Variants in PCBP3 observed in about 807,000 individuals in gnomAD.
PCBP3 encodes poly(rC) binding protein 3, also known as poly(rC)-binding protein 3.
PCBP3 carries 25 observed loss-of-function variants against 52.7 expected under a neutral mutation model. The ratio of observed to expected loss-of-function variants is 0.47; its 90% CI spans 0.35 to 0.66. The LOEUF (loss-of-function observed/expected upper bound fraction) is 0.66, where lower values mean the gene tolerates loss of function less well. Ranked by LOEUF, PCBP3 falls within the 30% of genes least tolerant of loss-of-function variation. The probability of loss-of-function intolerance (pLI) is 0.01; values close to 1 mark genes in which losing one functional copy is unlikely to be tolerated. For missense variants in PCBP3, 391 were observed against 490.3 expected (o/e 0.80, Z 1.91); for synonymous variants, 162 against 183.0 (o/e 0.89, Z 0.93).
rs1247030573 is a variant in PCBP3 at position 45,901,108 on chromosome 21, G to C, written c.334G>C (p.Glu112Gln). 1 of 1,609,370 alleles carries C rather than the reference G, an allele frequency of 6.2e-7. No individual in the cohort carries two copies. The highest frequency in any genetic ancestry group is 1.3e-5 in the African/African-American group (1 of 74,824). Residue 112 changes from glutamate (E) to glutamine (Q), a missense_variant, in exon 9 of 18, where the codon GAG (glutamate) becomes CAG (glutamine). Glu to Gln is a conservative substitution (Grantham distance 29). Coordinates refer to ENST00000681687, the MANE Select transcript of PCBP3 (RefSeq NM_001384156.1). ...KAFAMIAYKF[E>Q]EDIINSMSNS... ...CTTTGCCATGATCGCATACAAGTTT[G>C]AGGAGGTAACCTGCACCCCAGGCAC...
At position 45,741,530 on chromosome 21, in the gene PCBP3, T is replaced by C. The variant is rs2086449656; in HGVS notation, c.-162+6101T>C. ...AACTCAGTAATTAGAAATATGGAGA[T>C]AAAGAAATGCCAAAAGAGGCTAAGA... On this transcript the variant is annotated intron_variant, in intron 3 of 17. Coordinates refer to ENST00000681687, the MANE Select transcript of PCBP3 (RefSeq NM_001384156.1). The surrounding 1 kb of genome is among the most constrained non-coding windows in gnomAD (Gnocchi z 4.5). 6.6e-6 allele frequency among the ~76,000 whole-genome samples: 1 copy of C among 151,702 alleles called. No individual in the cohort carries two copies. Among genetic ancestry groups the C allele is most frequent in the Non-Finnish European group, 1.5e-5 (1 of 67,930 alleles).
intron 5 of PCBP3, among the ~76,000 whole-genome samples, chr21:45,892,151 G>GCGTCCTTCCTA: frequency 6.6e-6 from 1 of 152,324 alleles, no homozygotes; most frequent in East Asian, 1.9e-4. Flanking sequence ...CAGGACCGCG[G>GCGTCCTTCCTA]CGTCCTTCCT....
chr21:45,853,134 G>C lies in PCBP3; in HGVS notation c.10+3039G>C, dbSNP rs1439240142. The stretch of plus-strand genomic sequence containing the variant: ...GGTGGGCTGGCATGTCTTCTCTGGA[G>C]CCTGCTGTGACCTGGCATGCTGTCC... On this transcript the variant is annotated intron_variant, in intron 5 of 17. Transcript: ENST00000681687. The surrounding 1 kb of genome is among the most constrained non-coding windows in gnomAD (Gnocchi z 4.6). Among the ~76,000 whole-genome samples, 1 of 152,184 alleles carries C rather than the reference G, an allele frequency of 6.6e-6. No homozygotes were observed. The highest frequency in any genetic ancestry group is 1.5e-5 in the Non-Finnish European group (1 of 68,036).
chr21:45,797,751 A>T (rs1176176220), intron 4 of PCBP3, among the ~76,000 whole-genome samples: 4 of 5,378 alleles, frequency 7.4e-4, no homozygotes, highest in East Asian at 8.5e-3. Flanking sequence ...ATCCATAGAG[A>T]GAGTGAATGG....
intron 4 of PCBP3, chr21:45,760,613 AT>A (rs2088541853): frequency 6.6e-6 from 1 of 152,208 alleles, no homozygotes; most frequent in Non-Finnish European, 1.5e-5. Flanking sequence ...TTGATAAGTT[AT>A]GTAATTAAGT....
Position 45,780,146 on chromosome 21 carries a change from A to T in PCBP3, c.-126+24694A>T, listed in dbSNP as rs558573981. On this transcript the variant is annotated intron_variant, in intron 4 of 17. Coordinates refer to ENST00000681687, the MANE Select transcript of PCBP3 (RefSeq NM_001384156.1). Reference sequence around the variant, plus strand: ...GAATTTCAATCTCTAAAACTCAAAAATATATAATTTCTTGGAGAAAACGTG... The same window carrying T: ...GAATTTCAATCTCTAAAACTCAAAATTATATAATTTCTTGGAGAAAACGTG... 1.2e-4 allele frequency among the ~76,000 whole-genome samples: 18 copies of T among 152,368 alleles called. 1 individual carries two copies. The South Asian group carries it at 2.1e-3, about 18-fold the overall frequency.
At position 45,901,056 on chromosome 21, in the gene PCBP3, A is replaced by G; in HGVS notation, c.282A>G (p.Thr94=). 6.2e-7 allele frequency: 1 copy of G among 1,614,070 alleles called. No homozygotes were observed. Among genetic ancestry groups the G allele is most frequent in the Non-Finnish European group, 8.5e-7 (1 of 1,179,920 alleles). The change falls in exon 9 of 18, where the codon ACA becomes ACG. Residue 94 remains threonine (T), a synonymous_variant. Transcript: ENST00000681687. ...GCCCAGAGAGGATTGTGACCATCAC[A>G]GGCCCCACAGACGCCATCTTCAAGG... ...GNCPERIVTI[T]GPTDAIFKAF... is the part of the protein sequence containing the mutation.
chr21:45,782,209 G>A (rs1448572027), intron 4 of PCBP3, among the ~76,000 whole-genome samples: 1 of 152,112 alleles, frequency 6.6e-6, no homozygotes, highest in African/African-American at 2.4e-5. Flanking sequence ...ATAAAAACGT[G>A]AGAAATAGAC....
At chr21:45,804,023 C>G (rs1164909462) in intron 4 of PCBP3, among the ~76,000 whole-genome samples, 1 of 152,240 alleles carries the variant, frequency 6.6e-6, no homozygotes, top group Non-Finnish European at 1.5e-5. Context: ...TGTGGTGCTT[C>G]TCTTCCTCAT....
chr21:45,780,380 A>T (rs1267206165), intron 4 of PCBP3, among the ~76,000 whole-genome samples: 1 of 152,242 alleles, frequency 6.6e-6, no homozygotes, highest in Admixed American at 6.5e-5. Flanking sequence ...TCTAGTTATG[A>T]TCTGATGGGG....
intron 2 of PCBP3, among the ~76,000 whole-genome samples, chr21:45,686,761 A>T (rs180861057): frequency 6.6e-6 from 1 of 152,328 alleles, no homozygotes; most frequent in East Asian, 1.9e-4. Context: ...TCAGAAATGA[A>T]AACTTTAATA....
chr21:45,808,858 C>T (rs2092594705), intron 4 of PCBP3, among the ~76,000 whole-genome samples: 1 of 152,144 alleles, frequency 6.6e-6, no homozygotes, highest in African/African-American at 2.4e-5. Flanking sequence ...ACTATGCAGC[C>T]ATAAAAAAGG....
At chr21:45,662,313 G>T (rs1326600004) in intron 1 of PCBP3, among the ~76,000 whole-genome samples, 2 of 117,610 alleles carry the variant, frequency 1.7e-5, no homozygotes, top group African/African-American at 7.3e-5. Context: ...TAGAGATGGG[G>T]TTTCACCATA....
chr21:45,659,548 G>T (rs1455062455), intron 1 of PCBP3, among the ~76,000 whole-genome samples: 1 of 151,852 alleles, frequency 6.6e-6, no homozygotes, highest in East Asian at 1.9e-4. Flanking sequence ...ACAGTGTCTT[G>T]TCATGTTGCT....
At chr21:45,658,177 A>G (rs2080145009) in intron 1 of PCBP3, among the ~76,000 whole-genome samples, 1 of 152,140 alleles carries the variant, frequency 6.6e-6, no homozygotes, top group African/African-American at 2.4e-5. Context: ...GTCCTTTATT[A>G]TATTAATGTC....
At chr21:45,660,444 A>G (rs2080314128) in intron 1 of PCBP3, among the ~76,000 whole-genome samples, 2 of 152,126 alleles carry the variant, frequency 1.3e-5, no homozygotes, top group Non-Finnish European at 2.9e-5. Context: ...GGAATGTTTA[A>G]TCCATTTACA....
intron 4 of PCBP3, among the ~76,000 whole-genome samples, chr21:45,814,857 GTGA>G (rs1313965832): frequency 8.0e-6 from 1 of 124,994 alleles, no homozygotes; most frequent in Non-Finnish European, 1.6e-5. Flanking sequence ...TGAGTGGTGA[GTGA>G]TGAGTGGTGA....
chr21:45,930,252 C>T (rs1303272940), intron 14 of PCBP3, among the ~76,000 whole-genome samples: 1 of 151,798 alleles, frequency 6.6e-6, no homozygotes, highest in African/African-American at 2.4e-5. Context: ...TGTGAAGAGA[C>T]GTCTGCCCAC....
At chr21:45,933,976 G>A (rs986888960) in intron 15 of PCBP3, among the ~76,000 whole-genome samples, 2 of 152,168 alleles carry the variant, frequency 1.3e-5, no homozygotes, top group Non-Finnish European at 2.9e-5. Context: ...GGCACAGGAG[G>A]CGCCGTGAGG....
Sources: gnomAD v4.1 joint callset for allele counts (sites outside exome capture counted in the v4.1 genomes callset) on GRCh38, gnomAD v4.1.1 for gene constraint, Gnocchi (gnomAD v3.1) non-coding constraint, MANE v1.5 for transcripts, NCBI Gene and HGNC (gene_info 2026-07-23, HGNC 2026-07-21) for gene names.